The following ZNF717 variants were observed in gnomAD, a reference collection of about 807,000 sequenced individuals.
The protein encoded by ZNF717 is krueppel-like factor X17.
Under a neutral mutation model 13.8 loss-of-function variants are expected in ZNF717, and 9 were observed. That is an observed-to-expected ratio of 0.65 (90% CI 0.39 to 1.14). ZNF717 has a LOEUF of 1.14. Among genes scored for constraint, ZNF717 ranks in the 50% most tolerant of loss-of-function variants. The probability of loss-of-function intolerance (pLI) is 0.01; values close to 1 mark genes in which losing one functional copy is unlikely to be tolerated. For synonymous variants in ZNF717, 327 were observed against 364.1 expected (o/e 0.90, Z 1.16); for missense variants, 1,040 against 1,080.7 (o/e 0.96, Z 0.53).
At chr3:75,771,511 G>A (rs112559657) in intron 2 of ZNF717, among the ~76,000 whole-genome samples, 2,908 of 152,312 alleles carry the variant, frequency 0.019, 52 homozygotes, top group African/African-American at 0.066. Context: ...TAGGGCCTCC[G>A]GAGCGATAGT....
At position 75,718,470 on chromosome 3, in the gene ZNF717, C is replaced by T. The variant is rs894851678; in HGVS notation, n.545-1929G>A. Among the ~76,000 whole-genome samples the T allele has an allele frequency of 9.6e-3, 1,468 of 152,240 alleles. 28 individuals carry two copies. The highest frequency in any genetic ancestry group is 0.034 in the African/African-American group (1,422 of 41,530). On this transcript the variant is annotated intron_variant and non_coding_transcript_variant, in intron 4 of 5. Transcript: ENST00000491507. ...AGTCTAACTTACTAAGTTAATTTCA[C>T]ACTTAACTCCCACAGCCTGTCCACA...
intron 2 of ZNF717, among the ~76,000 whole-genome samples, chr3:75,748,524 G>A (rs1205435159): frequency 6.6e-6 from 1 of 152,134 alleles, no homozygotes; most frequent in Non-Finnish European, 1.5e-5. Context: ...TGGGATGCAA[G>A]GCTGGTTCAA....
chr3:75,768,169 TC>T (rs1322396098), intron 2 of ZNF717, among the ~76,000 whole-genome samples: 1 of 152,226 alleles, frequency 6.6e-6, no homozygotes, highest in African/African-American at 2.4e-5. Context: ...AGCACCTACC[TC>T]CTGCCTTCCA....
intron 2 of ZNF717, among the ~76,000 whole-genome samples, chr3:75,780,864 C>G (rs75430025): frequency 6.7e-6 from 1 of 149,778 alleles, no homozygotes; most frequent in Non-Finnish European, 1.5e-5. Flanking sequence ...TAGAACAAAC[C>G]AGGTTTTGTT....
downstream of ZNF717, among the ~76,000 whole-genome samples, chr3:75,735,424 G>C (rs1575746878): frequency 6.7e-6 from 1 of 149,158 alleles, no homozygotes. Flanking sequence ...CCAGGAGTTA[G>C]AGACTATCCT....
Position 75,738,945 on chromosome 3 carries a change from T to G in ZNF717, c.678A>C (p.Ile226=), listed in dbSNP as rs1161953875. Residue 226 remains isoleucine (I), a synonymous_variant, in exon 5 of 5, where the codon ATA becomes ATC. Coordinates refer to ENST00000652011, the MANE Select transcript of ZNF717 (RefSeq NM_001290208.3). ...TCTGTACTATATGAACCCTCTTATG[T>G]ATAAAGAACATTGCCTCCGTGTTGA... ...KTFNTEAMFF[I]HKRVHIVQTF... is the part of the protein sequence containing the mutation. The G allele has an allele frequency of 1.3e-6, 2 of 1,551,436 alleles. No individual in the cohort carries two copies. Among genetic ancestry groups the G allele is most frequent in the African/African-American group, 2.7e-5 (2 of 73,052 alleles).
chr3:75,754,009 G>T (rs1177642837), intron 2 of ZNF717, among the ~76,000 whole-genome samples: 3 of 152,194 alleles, frequency 2.0e-5, no homozygotes, highest in Non-Finnish European at 4.4e-5. Context: ...GAACACTCCA[G>T]CTGGGGTCTG....
At chr3:75,748,005 G>A (rs1189125997) in intron 2 of ZNF717, among the ~76,000 whole-genome samples, 6 of 152,236 alleles carry the variant, frequency 3.9e-5, no homozygotes, top group African/African-American at 1.4e-4. Flanking sequence ...AAATGATAAA[G>A]GGGACAGCAC....
At position 75,737,334 on chromosome 3, in the gene ZNF717, A is replaced by G; in HGVS notation, c.2289T>C (p.Cys763=). 1 of 1,552,608 alleles carries G rather than the reference A, an allele frequency of 6.4e-7. No homozygotes were observed. Among genetic ancestry groups the G allele is most frequent in the Non-Finnish European group, 8.7e-7 (1 of 1,147,582 alleles). ...TGEKPYECNE[C]GKTFCHKSNL... ...TTGACTTGTGACAAAAGGTTTTCCC[A>G]CACTCATTACATTCATAAGGTTTTT... The change falls in exon 5 of 5, where the codon TGT becomes TGC. Residue 763 remains cysteine (C), a synonymous_variant. Coordinates refer to ENST00000652011, the MANE Select transcript of ZNF717 (RefSeq NM_001290208.3).
chr3:75,715,382 T>G (rs1938026642), intron 5 of ZNF717, among the ~76,000 whole-genome samples: 1 of 152,206 alleles, frequency 6.6e-6, no homozygotes, highest in African/African-American at 2.4e-5. Flanking sequence ...ATAATTTTTA[T>G]TTTTTGCTTT....
chr3:75,779,744 T>C (rs550596297), intron 2 of ZNF717, among the ~76,000 whole-genome samples: 1 of 130,428 alleles, frequency 7.7e-6, no homozygotes, highest in Admixed American at 8.0e-5. Flanking sequence ...ACCATGGGAG[T>C]GTCGTGCTAA....
intron 1 of ZNF717, among the ~76,000 whole-genome samples, chr3:75,784,532 A>G (rs968550017): frequency 6.6e-6 from 1 of 152,192 alleles, no homozygotes; most frequent in Non-Finnish European, 1.5e-5. Context: ...AGGTTGAAGG[A>G]ATGGGACTGT....
intron 5 of ZNF717, among the ~76,000 whole-genome samples, chr3:75,712,139 A>T (rs1210708065): frequency 2.0e-5 from 3 of 152,276 alleles, no homozygotes; most frequent in Admixed American, 6.5e-5. Flanking sequence ...GAAAGTTATC[A>T]CCTCAGCCAA....
downstream of ZNF717, among the ~76,000 whole-genome samples, chr3:75,735,635 T>TAAAAAAAAAAA (rs149366090): frequency 1.3e-5 from 1 of 79,840 alleles, no homozygotes; most frequent in Admixed American, 1.3e-4. Context: ...ACTGTCTCAA[T>TAAAAAAAAAAA]AAAAAAAAAA....
At chr3:75,765,002 TATA>T (rs1402319446) in intron 2 of ZNF717, among the ~76,000 whole-genome samples, 11 of 15,808 alleles carry the variant, frequency 7.0e-4, no homozygotes, top group African/African-American at 2.2e-3. Flanking sequence ...TATATATATA[TATA>T]TATATATATA....
intron 6 of ZNF717, among the ~76,000 whole-genome samples, chr3:75,704,098 C>T (rs1383947517): frequency 5.9e-5 from 9 of 152,384 alleles, no homozygotes; most frequent in East Asian, 3.9e-4. Flanking sequence ...TTAGTGAGTA[C>T]ATCTGCACCT....
downstream of ZNF717, chr3:75,729,932 T>C (rs1938424910): frequency 6.6e-6 from 1 of 152,270 alleles, no homozygotes; most frequent in African/African-American, 2.4e-5. Flanking sequence ...TTGTGTTGTT[T>C]AGGAAATAAT....
chr3:75,731,866 A>G (rs1488768232), downstream of ZNF717, among the ~76,000 whole-genome samples: 6 of 152,270 alleles, frequency 3.9e-5, no homozygotes. Flanking sequence ...TTGGAGAGAT[A>G]GAGAAGTGAA....
chr3:75,781,372 C>T (rs1166218935), intron 2 of ZNF717, among the ~76,000 whole-genome samples: 2 of 152,222 alleles, frequency 1.3e-5, no homozygotes, highest in Non-Finnish European at 2.9e-5. Flanking sequence ...CACCAAATGA[C>T]TGTGCTGGAG....
Sources: allele counts gnomAD v4.1 joint callset (sites outside exome capture counted in the v4.1 genomes callset), GRCh38; gene constraint gnomAD v4.1.1; transcripts MANE v1.5; gene names NCBI Gene and HGNC (gene_info 2026-07-23, HGNC 2026-07-21).